Variants in NAV1 observed in about 807,000 individuals in gnomAD.
NAV1 encodes the protein neuron navigator 1.
In NAV1, 18 loss-of-function variants were observed where a neutral mutation model predicts 175.2. That is an observed-to-expected ratio of 0.10 (90% CI 0.07 to 0.15). The LOEUF (loss-of-function observed/expected upper bound fraction) is 0.15, where lower values mean the gene tolerates loss of function less well. Among genes scored for constraint, NAV1 ranks in the 10% least tolerant of loss-of-function variants. NAV1 has a pLI of 1.00. For missense variants in NAV1, 1,731 were observed against 2,436.6 expected (o/e 0.71, Z 6.10); for synonymous variants, 897 against 978.7 (o/e 0.92, Z 1.56).
At chr1:201,695,365 C>T (rs766381695) in intron 1 of NAV1, among the ~76,000 whole-genome samples, 10 of 152,156 alleles carry the variant, frequency 6.6e-5, no homozygotes, top group Non-Finnish European at 1.3e-4. Context: ...ATTCAGCACA[C>T]GAGGTGGGGG....
intron 1 of NAV1, among the ~76,000 whole-genome samples, chr1:201,586,151 A>G (rs1470133805): frequency 2.0e-5 from 3 of 152,216 alleles, no homozygotes; most frequent in Non-Finnish European, 4.4e-5. Flanking sequence ...GGAAATTCTC[A>G]TATATGCTAC....
upstream of NAV1, among the ~76,000 whole-genome samples, chr1:201,644,679 C>T (rs1164819947): frequency 6.6e-6 from 1 of 152,206 alleles, no homozygotes; most frequent in Non-Finnish European, 1.5e-5. Flanking sequence ...TCATGCAGGA[C>T]AGAGTGTGGA....
intron 5 of NAV1, 129 bp downstream of exon 9, chr1:201,781,438 C>A: frequency 1.0e-6 from 1 of 952,812 alleles, no homozygotes; most frequent in Non-Finnish European, 1.5e-6. Context: ...ATTATCTTAT[C>A]TGGTCTAAGG....
chr1:201,709,476 G>A (rs892133116), intron 1 of NAV1, among the ~76,000 whole-genome samples: 1 of 152,184 alleles, frequency 6.6e-6, no homozygotes, highest in African/African-American at 2.4e-5. Context: ...CTGGAGCTCT[G>A]GAGGCCTTTC....
chr1:201,702,619 G>A (rs1671473030), intron 1 of NAV1, among the ~76,000 whole-genome samples: 1 of 151,730 alleles, frequency 6.6e-6, no homozygotes, highest in Non-Finnish European at 1.5e-5. Flanking sequence ...ATCCACCAGC[G>A]TCGGCTCCCA....
rs114453085 is a variant in NAV1 at position 201,638,460 on chromosome 1, C to T, written c.4+8953C>T. Among the ~76,000 whole-genome samples, 621 of 152,310 alleles carry T rather than the reference C, an allele frequency of 4.1e-3. 1 individual carries two copies. Among genetic ancestry groups the T allele is most frequent in the Non-Finnish European group, 6.1e-3 (416 of 68,022 alleles). On this transcript the variant is annotated intron_variant, in intron 2 of 29. Coordinates refer to the NAV1 transcript ENST00000367302. ...GCAGATGTCTGGGTTACAGGAGCTC[C>T]TCAGCAGGACAGGCAGGAGAGTCAG... is the stretch of plus-strand genomic sequence containing the variant.
At chr1:201,761,404 C>T (rs981457648) in intron 3 of NAV1, among the ~76,000 whole-genome samples, 1 of 152,160 alleles carries the variant, frequency 6.6e-6, no homozygotes, top group East Asian at 1.9e-4. Context: ...GCGTTTCACA[C>T]CAGCAGTCTG....
exon 29 of NAV1, chr1:201,817,244 G>A: frequency 6.2e-7 from 1 of 1,614,158 alleles, no homozygotes. Flanking sequence ...GGATAGGACA[G>A]TCAAAGACAG....
chr1:201,781,015 C>T lies in NAV1; in HGVS notation c.1369C>T (p.Arg457Cys), dbSNP rs62623597. 1.0e-4 allele frequency: 160 copies of T among 1,607,242 alleles called. No individual in the cohort carries two copies. The highest frequency in any genetic ancestry group is 1.2e-4 in the South Asian group (11 of 90,162). ...TGCCTTTTTCTCTTTTCTTTAGCTA[C>T]GCACAGACTCAGAGAAGCGCTCACT... Residue 457 changes from arginine to cysteine, a missense_variant, in exon 5 of 30, where the codon CGC becomes TGC. This residue lies in a region of NAV1 where 634 missense variants were observed against 766.8 expected (regional missense o/e 0.83). Transcript: ENST00000367296.
chr1:201,616,880 G>A (rs1467892036), intron 2 of NAV1, among the ~76,000 whole-genome samples: 1 of 152,212 alleles, frequency 6.6e-6, no homozygotes, highest in African/African-American at 2.4e-5. Context: ...AGCTCCTAGA[G>A]AGCAGAACCT....
chr1:201,684,349 T>C (rs1035714780), intron 1 of NAV1, among the ~76,000 whole-genome samples: 1 of 152,270 alleles, frequency 6.6e-6, no homozygotes, highest in Non-Finnish European at 1.5e-5. Context: ...TAGCTGTCTA[T>C]CTCTCCATAT....
intron 2 of NAV1, among the ~76,000 whole-genome samples, chr1:201,631,272 G>A (rs906331775): frequency 2.0e-5 from 3 of 152,126 alleles, no homozygotes; most frequent in Admixed American, 1.3e-4. Context: ...GAGAGATTTC[G>A]GATTTGCCTG....
chr1:201,623,119 C>T, exon 1 of NAV1: 1 of 986,044 alleles, frequency 1.0e-6, no homozygotes, highest in Non-Finnish European at 1.2e-6. Context: ...GAGAGGCTCT[C>T]CCAAGTTTGC....
chr1:201,764,835 C>T (rs1343535934), intron 3 of NAV1, among the ~76,000 whole-genome samples: 2 of 152,206 alleles, frequency 1.3e-5, no homozygotes, highest in Admixed American at 6.5e-5. Flanking sequence ...CAAGGGCATT[C>T]GGTTCTCCAG....
intron 6 of NAV1, among the ~76,000 whole-genome samples, chr1:201,783,198 G>A (rs1676447927): frequency 6.6e-6 from 1 of 152,162 alleles, no homozygotes; most frequent in African/African-American, 2.4e-5. Flanking sequence ...TATCTCCCAT[G>A]TGCATATGCT....
At chr1:201,816,352 CAA>C (rs1397725749) in intron 28 of NAV1, among the ~76,000 whole-genome samples, 1 of 152,078 alleles carries the variant, frequency 6.6e-6, no homozygotes, top group African/African-American at 2.4e-5. Context: ...GCCTGGGCAA[CAA>C]GAGCGAAACT....
intron 2 of NAV1, among the ~76,000 whole-genome samples, chr1:201,643,063 C>T (rs757886122): frequency 7.2e-5 from 11 of 151,828 alleles, no homozygotes; most frequent in African/African-American, 2.2e-4. Context: ...TGTGAGCCAC[C>T]GTGCCTGGCC....
chr1:201,788,374 G>C lies in NAV1; in HGVS notation c.2996-94G>C, dbSNP rs1676902854. On this transcript the variant is annotated intron_variant, in intron 9 of 29. Coordinates refer to ENST00000367296, the Ensembl canonical transcript of NAV1. The surrounding 1 kb of genome is among the most constrained non-coding windows in gnomAD (Gnocchi z 5.7). ...CCCATTTGCCTCTCATGCTCCCGGT[G>C]CTCCATCCCCCAAGGGCCCGGAGAG... The C allele has an allele frequency of 7.4e-7, 1 of 1,348,168 alleles. No homozygotes were observed. The highest frequency in any genetic ancestry group is 1.7e-5 in the Admixed American group (1 of 58,774). The allele number at this position is 1,348,168 out of a possible 1,614,324, so 83.5% of individuals were successfully genotyped here.
Position 201,820,208 on chromosome 1 carries a change from T to C in NAV1, c.*276T>C, listed in dbSNP as rs1291099643. 9 of 332,924 alleles carry C rather than the reference T, an allele frequency of 2.7e-5. No individual in the cohort carries two copies. In the East Asian group the frequency reaches 4.5e-4, roughly 17 times the overall value. 20.6% of individuals were successfully genotyped at this position (332,924 alleles called of 1,614,324 possible). On this transcript the variant is annotated 3_prime_UTR_variant, in exon 30 of 30. Transcript: ENST00000367296. Reference sequence around the variant, plus strand: ...TTTGGGGAAAAGATGATTCTGGGTCTTTCCCTTGACTTCTTGTTTCAATTA... The same window carrying C: ...TTTGGGGAAAAGATGATTCTGGGTCCTTCCCTTGACTTCTTGTTTCAATTA...
Sources: gnomAD v4.1 joint callset for allele counts (sites outside exome capture counted in the v4.1 genomes callset) on GRCh38, gnomAD v4.1.1 for gene constraint, gnomAD v4.1.1 regional missense constraint, Gnocchi (gnomAD v3.1) non-coding constraint, MANE v1.5 for transcripts, NCBI Gene and HGNC (gene_info 2026-07-23, HGNC 2026-07-21) for gene names.